TRAP1: variants seen among roughly 807,000 people sequenced by gnomAD.
TRAP1 encodes the protein TNF receptor associated protein 1, also known as heat shock protein 75 kDa, mitochondrial.
Under a neutral mutation model 89.1 loss-of-function variants are expected in TRAP1, and 102 were observed. That is an observed-to-expected ratio of 1.15 (90% confidence interval 0.98 to 1.35). The LOEUF is 1.35. Ranked by LOEUF, TRAP1 falls within the 40% of genes most tolerant of loss-of-function variation. TRAP1 has a pLI of 0.00. For missense variants in TRAP1, 1,256 were observed against 945.3 expected (o/e 1.33, Z -4.31); for synonymous variants, 508 against 388.0 (o/e 1.31, Z -3.64).
chr16:3,695,366 T>C (rs1044379991), intron 1 of TRAP1, among the ~76,000 whole-genome samples: 2 of 151,838 alleles, frequency 1.3e-5, no homozygotes, highest in South Asian at 2.1e-4. Context: ...AGGTTTCTCA[T>C]ACTCAAAAAA....
intron 16 of TRAP1, chr16:3,660,624 G>T (rs951661771): frequency 3.3e-5 from 5 of 152,240 alleles, no homozygotes; most frequent in African/African-American, 4.8e-5. Flanking sequence ...GCGCTGCTGT[G>T]CACTGACAGC....
chr16:3,698,471 T>G (rs958962451), intron 1 of TRAP1, among the ~76,000 whole-genome samples: 1 of 151,930 alleles, frequency 6.6e-6, no homozygotes, highest in South Asian at 2.1e-4. Context: ...CCCGGCTAAT[T>G]TTTTGTATTT....
intron 1 of TRAP1, among the ~76,000 whole-genome samples, chr16:3,713,430 C>A (rs539524523): frequency 2.6e-5 from 4 of 152,286 alleles, no homozygotes; most frequent in African/African-American, 7.2e-5. Flanking sequence ...ACCAGCTCTC[C>A]CGACCTTCCT....
intron 2 of TRAP1, 43 bp downstream of exon 2, chr16:3,690,784 G>A (rs749841639): frequency 7.4e-7 from 1 of 1,347,332 alleles, no homozygotes. Flanking sequence ...GCACAGCAGT[G>A]AACCAAAAAG....
intron 1 of TRAP1, among the ~76,000 whole-genome samples, chr16:3,716,174 A>G (rs1311865012): frequency 6.6e-6 from 1 of 152,174 alleles, no homozygotes; most frequent in Non-Finnish European, 1.5e-5. Flanking sequence ...TTTATAGACC[A>G]CTGGTTTTGA....
intron 16 of TRAP1, chr16:3,659,216 G>A (rs2042919591): frequency 4.9e-6 from 1 of 202,164 alleles, no homozygotes; most frequent in South Asian, 8.8e-5. Context: ...TAGGGCTCTA[G>A]TAAATAAAAC....
intron 1 of TRAP1, among the ~76,000 whole-genome samples, chr16:3,701,524 C>T (rs963379396): frequency 1.4e-5 from 2 of 142,594 alleles, no homozygotes; most frequent in African/African-American, 5.4e-5. Flanking sequence ...GCACTCCAGT[C>T]TGGGTGACAG....
At chr16:3,678,467 G>GTTT (rs1275554725) in intron 5 of TRAP1, 9 of 152,192 alleles carry the variant, frequency 5.9e-5, no homozygotes, top group African/African-American at 1.9e-4. Flanking sequence ...TGTTGTTGTT[G>GTTT]TTGTTGTTGT....
chr16:3,698,661 C>T (rs1208060221), intron 1 of TRAP1, among the ~76,000 whole-genome samples: 1 of 151,722 alleles, frequency 6.6e-6, no homozygotes, highest in Non-Finnish European at 1.5e-5. Context: ...AATCCCAGCA[C>T]TTTGGGAGGC....
chr16:3,674,227 A>G (rs1410292631), intron 9 of TRAP1, 112 bp downstream of exon 9: 11 of 1,417,956 alleles, frequency 7.8e-6, no homozygotes, highest in African/African-American at 2.8e-5. Flanking sequence ...AGCACTACCT[A>G]TGTTTTTCAT....
intron 6 of TRAP1, 48 bp from the exon 7 acceptor site, chr16:3,676,193 C>T (rs1489565208): frequency 7.2e-6 from 11 of 1,535,874 alleles, no homozygotes; most frequent in African/African-American, 2.7e-5. Context: ...GACACTGGGA[C>T]ATACCCTGCA....
At chr16:3,685,062 G>GC (rs2051120878) in intron 4 of TRAP1, among the ~76,000 whole-genome samples, 1 of 152,148 alleles carries the variant, frequency 6.6e-6, no homozygotes, top group East Asian at 1.9e-4. Flanking sequence ...ATGACCCCTT[G>GC]CCCCAGCACA....
intron 16 of TRAP1, chr16:3,659,380 T>C (rs1266770498): frequency 6.6e-6 from 1 of 152,184 alleles, no homozygotes; most frequent in Non-Finnish European, 1.5e-5. Context: ...GAAAACCATT[T>C]AGACCAGAGT....
chr16:3,685,239 A>C (rs997711287), intron 4 of TRAP1, among the ~76,000 whole-genome samples: 4 of 152,224 alleles, frequency 2.6e-5, no homozygotes, highest in Non-Finnish European at 2.9e-5. Flanking sequence ...GGGCTATGAC[A>C]AACAGCTGGC....
intron 8 of TRAP1, 94 bp downstream of exon 8, chr16:3,675,230 G>T: frequency 1.6e-6 from 2 of 1,258,058 alleles, no homozygotes. Context: ...GTGACTCTGG[G>T]CCGCATCCCC....
intron 1 of TRAP1, among the ~76,000 whole-genome samples, chr16:3,694,497 C>A (rs1272121024): frequency 2.0e-5 from 3 of 152,040 alleles, no homozygotes; most frequent in Admixed American, 2.0e-4. Context: ...GCACGCACCA[C>A]CATGCCTGGC....
chr16:3,699,072 C>T (rs961847687), intron 1 of TRAP1, among the ~76,000 whole-genome samples: 2 of 152,066 alleles, frequency 1.3e-5, no homozygotes, highest in Non-Finnish European at 2.9e-5. Context: ...GGTTTGGGGT[C>T]GCACAAAATG....
Position 3,658,137 on chromosome 16 carries a change from G to T in TRAP1, c.2107C>A (p.Arg703=). The T allele has an allele frequency of 6.2e-7, 1 of 1,613,948 alleles. No individual in the cohort carries two copies. The highest frequency in any genetic ancestry group is 8.5e-7 in the Non-Finnish European group (1 of 1,179,932). ...LNELLVKALE[R]H ...TTCTGGCCCCCTGGCTGTCAGTGTC[G>T]CTCCAGGGCCTTGACAAGCAGCTCA... Residue 703 remains arginine, a synonymous_variant, in exon 18 of 18, where the codon CGA becomes AGA. Coordinates refer to ENST00000246957, the MANE Select transcript of TRAP1 (RefSeq NM_016292.3).
chr16:3,667,395 G>A (rs1567226671), intron 11 of TRAP1, among the ~76,000 whole-genome samples: 2 of 152,058 alleles, frequency 1.3e-5, no homozygotes, highest in Admixed American at 6.5e-5. Flanking sequence ...AGGCTGAGGC[G>A]GGCGGATCAC....
Sources: gnomAD v4.1 joint callset for allele counts (sites outside exome capture counted in the v4.1 genomes callset) on GRCh38, gnomAD v4.1.1 for gene constraint, MANE v1.5 for transcripts, NCBI Gene and HGNC (gene_info 2026-07-23, HGNC 2026-07-21) for gene names.